The following DNMT3A variants were observed in gnomAD, a reference collection of about 807,000 sequenced individuals.
DNMT3A encodes the protein DNA methyltransferase 3 alpha, also known as DNA (cytosine-5)-methyltransferase 3A.
A neutral mutation model predicts 117.6 loss-of-function variants in DNMT3A; 267 were observed. That is an observed-to-expected ratio of 2.27 (90% CI 2.05 to 2.51). The LOEUF (loss-of-function observed/expected upper bound fraction) is 2.51. Ranked by LOEUF, DNMT3A falls within the 30% of genes most tolerant of loss-of-function variation. The pLI is 0.00. For missense variants in DNMT3A, 1,029 were observed against 1,260.2 expected (o/e 0.82, Z 2.78); for synonymous variants, 432 against 474.8 (o/e 0.91, Z 1.17).
In DNMT3A at chr2:25,275,032, C is replaced by T. The variant is rs1447483341; in HGVS notation, c.548G>A (p.Arg183Gln). Reference sequence around the variant, plus strand: ...CTGGAAGGTGAGCCTCGGCATGGGCCGCTGACGGAGGCTGGACTCCCAGCC... The same window carrying T: ...CTGGAAGGTGAGCCTCGGCATGGGCTGCTGACGGAGGCTGGACTCCCAGCC... ...GLGWESSLRQ[R>Q]PMPRLTFQAG... Residue 183 changes from arginine (R) to glutamine (Q), a missense_variant, in exon 6 of 23, where the codon CGG (arginine) becomes CAG (glutamine). Coordinates refer to ENST00000321117, the MANE Select transcript of DNMT3A (RefSeq NM_022552.5). The T allele has an allele frequency of 5.0e-6, 8 of 1,608,690 alleles. No homozygotes were observed. Among genetic ancestry groups the T allele is most frequent in the African/African-American group, 1.3e-5 (1 of 74,910 alleles).
Position 25,293,878 on chromosome 2 carries a change from C to T in DNMT3A, c.177+6261G>A, listed in dbSNP as rs1445622379. The stretch of plus-strand genomic sequence containing the variant: ...TAGAGATGGGGTTTTGCCATGTTGG[C>T]CAGGCTGGTCTCGAATTCCTGGCCT... On this transcript the variant is annotated intron_variant, in intron 3 of 22. Coordinates refer to ENST00000321117, the MANE Select transcript of DNMT3A (RefSeq NM_022552.5). The surrounding 1 kb of genome is among the most constrained non-coding windows in gnomAD (Gnocchi z 4.7). 2.0e-5 allele frequency among the ~76,000 whole-genome samples: 3 copies of T among 152,170 alleles called. No individual in the cohort carries two copies. The highest frequency in any genetic ancestry group is 4.4e-5 in the Non-Finnish European group (3 of 68,034).
At chr2:25,289,621 C>A (rs1221128258) in intron 3 of DNMT3A, among the ~76,000 whole-genome samples, 1 of 152,198 alleles carries the variant, frequency 6.6e-6, no homozygotes, top group Non-Finnish European at 1.5e-5. Context: ...TGAAGGCCGA[C>A]TCCCGCTCTG....
At chr2:25,326,063 C>T (rs541636888) in intron 1 of DNMT3A, among the ~76,000 whole-genome samples, 1 of 150,974 alleles carries the variant, frequency 6.6e-6, no homozygotes, top group Non-Finnish European at 1.5e-5. Flanking sequence ...AATGCAGAAA[C>T]CAGGCCTCTA....
chr2:25,274,751 C>T (rs1430094992), intron 6 of DNMT3A, among the ~76,000 whole-genome samples, 190 bp downstream of exon 6: 1 of 152,246 alleles, frequency 6.6e-6, no homozygotes, highest in Non-Finnish European at 1.5e-5. Context: ...GGGTCTAGTA[C>T]ACAGCCAGGT....
chr2:25,328,016 G>C (rs2034850811), intron 1 of DNMT3A, among the ~76,000 whole-genome samples: 1 of 152,080 alleles, frequency 6.6e-6, no homozygotes, highest in African/African-American at 2.4e-5. Flanking sequence ...CCCTGGAGCG[G>C]GTCCACCTGC....
chr2:25,311,263 C>A lies in DNMT3A; in HGVS notation c.72+2650G>T, dbSNP rs1244433399. ...GTTCCTTTGTGCACAGTGCCCCTGGCACCTGTGCCAGGCTCCCTGGGCTGC... is the reference window on the plus strand; with the variant it reads ...GTTCCTTTGTGCACAGTGCCCCTGGAACCTGTGCCAGGCTCCCTGGGCTGC... On this transcript the variant is annotated intron_variant, in intron 2 of 22. Coordinates refer to ENST00000321117, the MANE Select transcript of DNMT3A (RefSeq NM_022552.5). This position sits in a 1 kb window ranked among gnomAD's most constrained non-coding sequence, Gnocchi z 5.2. Among the ~76,000 whole-genome samples, 1 of 152,220 alleles carries A rather than the reference C, an allele frequency of 6.6e-6. No individual in the cohort carries two copies. Among genetic ancestry groups the A allele is most frequent in the African/African-American group, 2.4e-5 (1 of 41,462 alleles).
chr2:25,288,278 C>A (rs1181628796), intron 3 of DNMT3A, among the ~76,000 whole-genome samples: 1 of 151,106 alleles, frequency 6.6e-6, no homozygotes, highest in Non-Finnish European at 1.5e-5. Flanking sequence ...ACTAAAAATA[C>A]AAAAAATTCG....
chr2:25,295,579 C>G (rs1382431137), intron 3 of DNMT3A, among the ~76,000 whole-genome samples: 1 of 152,158 alleles, frequency 6.6e-6, no homozygotes, highest in Non-Finnish European at 1.5e-5. Context: ...TTCCAGCAGC[C>G]CTGAATTCAC....
rs574788834 is a variant in DNMT3A, at chr2:25,339,284, G to A, written c.-178+2542C>T. Among the ~76,000 whole-genome samples, 2 of 152,248 alleles carry A rather than the reference G, an allele frequency of 1.3e-5. No individual in the cohort carries two copies. The highest frequency in any genetic ancestry group is 2.1e-4 in the South Asian group (1 of 4,824). ...CCCACCCCACAGAGGAATCCTGTCC[G>A]CAGACACCCTGACAGATGGCTGCTG... is the stretch of plus-strand genomic sequence containing the variant. On this transcript the variant is annotated intron_variant, in intron 1 of 22. Transcript: ENST00000321117. The surrounding 1 kb of genome is among the most constrained non-coding windows in gnomAD (Gnocchi z 4.9).
chr2:25,318,314 T>C lies in DNMT3A; in HGVS notation c.-177-4153A>G, dbSNP rs570463085. The stretch of plus-strand genomic sequence containing the variant: ...TTTGTTTTTGTTTTCTGAGACGGAG[T>C]CTTTCTCTGTTGCCCAGGCTGGAGT... On this transcript the variant is annotated intron_variant, in intron 1 of 22. Transcript: ENST00000321117. 2.6e-5 allele frequency among the ~76,000 whole-genome samples: 4 copies of C among 152,132 alleles called. No homozygotes were observed. The East Asian group carries it at 7.7e-4, about 29-fold the overall frequency.
At chr2:25,340,245 C>A (rs1160611302) in intron 1 of DNMT3A, among the ~76,000 whole-genome samples, 1 of 152,106 alleles carries the variant, frequency 6.6e-6, no homozygotes, top group African/African-American at 2.4e-5. Context: ...GGGAGGCAGC[C>A]CCTGGGAACC....
chr2:25,294,279 C>A lies in DNMT3A; in HGVS notation c.177+5860G>T, dbSNP rs943933825. Among the ~76,000 whole-genome samples, 1 of 152,162 alleles carries A rather than the reference C, an allele frequency of 6.6e-6. No individual in the cohort carries two copies. The highest frequency in any genetic ancestry group is 1.5e-5 in the Non-Finnish European group (1 of 68,028). On this transcript the variant is annotated intron_variant, in intron 3 of 22. Coordinates refer to ENST00000321117, the MANE Select transcript of DNMT3A (RefSeq NM_022552.5). The surrounding 1 kb of genome is among the most constrained non-coding windows in gnomAD (Gnocchi z 4.7). ...GCCCTTCCATGCAGCACTCCAGTAG[C>A]GGGCGTTGATTTCACCGCTCAGGTC...
chr2:25,309,629 C>A (rs2033991616), intron 2 of DNMT3A, among the ~76,000 whole-genome samples: 1 of 152,244 alleles, frequency 6.6e-6, no homozygotes, highest in Non-Finnish European at 1.5e-5. Context: ...CTCATTCCAG[C>A]CTCAGCACTA....
intron 1 of DNMT3A, among the ~76,000 whole-genome samples, chr2:25,323,786 G>A (rs2034688700): frequency 6.6e-6 from 1 of 152,210 alleles, no homozygotes; most frequent in African/African-American, 2.4e-5. Flanking sequence ...CCCGTGAGCA[G>A]AGCTTTACAA....
At chr2:25,248,313 ACACT>A in intron 6 of DNMT3A, 61 bp from the exon 7 acceptor site, 1 of 1,562,576 alleles carries the variant, frequency 6.4e-7, no homozygotes, top group East Asian at 2.3e-5. Flanking sequence ...AGGCCACCTG[ACACT>A]CAAGGGGACC....
chr2:25,239,034 G>A (rs533854571), intron 20 of DNMT3A, 96 bp downstream of exon 20: 52 of 1,036,028 alleles, frequency 5.0e-5, no homozygotes, highest in East Asian at 1.2e-4. Context: ...AGCAGAGGCC[G>A]GCCAGAGAGG....
At chr2:25,284,645 TAAAAAAAAAAAAA>T (rs56901099) in intron 3 of DNMT3A, among the ~76,000 whole-genome samples, 14 of 16,632 alleles carry the variant, frequency 8.4e-4, no homozygotes, top group African/African-American at 1.7e-3. Context: ...AGACTCCATC[TAAAAAAAAAAAAA>T]AAAAAAAAAA....
rs558493180 is a variant in DNMT3A at position 25,338,586 on chromosome 2, G to C, written c.-178+3240C>G. On this transcript the variant is annotated intron_variant, in intron 1 of 22. Transcript: ENST00000321117. Reference sequence around the variant, plus strand: ...CGGGGAGAGGACTGGAGGGCAGTGCGCTCCCCTCGCTCAGCAGACACCCTC... The same window carrying C: ...CGGGGAGAGGACTGGAGGGCAGTGCCCTCCCCTCGCTCAGCAGACACCCTC... Among the ~76,000 whole-genome samples, 4 of 152,292 alleles carry C rather than the reference G, an allele frequency of 2.6e-5. No homozygotes were observed. The East Asian group carries it at 7.7e-4, about 29-fold the overall frequency.
At chr2:25,242,737 G>A (rs529091115) in intron 16 of DNMT3A, among the ~76,000 whole-genome samples, 5 of 152,112 alleles carry the variant, frequency 3.3e-5, no homozygotes, top group Admixed American at 2.6e-4. Flanking sequence ...TGGCTGGGGG[G>A]GCAGGGCAGA....
Sources: allele counts gnomAD v4.1 joint callset (sites outside exome capture counted in the v4.1 genomes callset), GRCh38; gene constraint gnomAD v4.1.1; non-coding constraint Gnocchi (gnomAD v3.1); transcripts MANE v1.5; gene names NCBI Gene and HGNC (gene_info 2026-07-23, HGNC 2026-07-21).